KCNK2: variants seen among roughly 807,000 people sequenced by gnomAD.
KCNK2 encodes the protein potassium two pore domain channel subfamily K member 2.
KCNK2 carries 21 observed loss-of-function variants against 40.5 expected under a neutral mutation model. That is an observed-to-expected ratio of 0.52 (90% CI 0.37 to 0.75). The LOEUF is 0.75. Ranked by LOEUF, KCNK2 falls within the 30% of genes least tolerant of loss-of-function variation. The pLI, the probability that KCNK2 is intolerant of heterozygous loss-of-function variation, is 0.00. For synonymous variants in KCNK2, 191 were observed against 202.2 expected (o/e 0.94, Z 0.47); for missense variants, 399 against 531.6 (o/e 0.75, Z 2.45).
chr1:215,048,842 A>G (rs1657879357), intron 1 of KCNK2, among the ~76,000 whole-genome samples: 1 of 152,136 alleles, frequency 6.6e-6, no homozygotes, highest in Admixed American at 6.5e-5. Flanking sequence ...AATAGCTTAT[A>G]CTTTGTTTTA....
intron 6 of KCNK2, among the ~76,000 whole-genome samples, chr1:215,211,145 T>C: frequency 6.6e-6 from 1 of 152,142 alleles, no homozygotes; most frequent in South Asian, 2.1e-4. Flanking sequence ...AGCGAATGTC[T>C]GTAAAGCAGC....
intron 1 of KCNK2, among the ~76,000 whole-genome samples, chr1:215,050,547 G>A (rs1175962092): frequency 6.6e-6 from 1 of 152,074 alleles, no homozygotes; most frequent in Non-Finnish European, 1.5e-5. Context: ...AGCATACAGA[G>A]AGAGAAATAA....
chr1:215,048,989 T>A (rs1437663612), intron 1 of KCNK2, among the ~76,000 whole-genome samples: 1 of 152,202 alleles, frequency 6.6e-6, no homozygotes, highest in Admixed American at 6.5e-5. Flanking sequence ...TTTGTGAGCA[T>A]GTAAGTTTTC....
intron 1 of KCNK2, among the ~76,000 whole-genome samples, chr1:215,038,231 G>A (rs1558065137): frequency 6.6e-6 from 1 of 152,068 alleles, no homozygotes; most frequent in Non-Finnish European, 1.5e-5. Flanking sequence ...CAGCAAGTAA[G>A]CCTTCCCTAT....
chr1:215,222,268 G>A (rs1349326029), intron 6 of KCNK2, among the ~76,000 whole-genome samples: 3 of 110,340 alleles, frequency 2.7e-5, no homozygotes, highest in African/African-American at 3.8e-5. Context: ...CAATGCAATC[G>A]TGTAATTTGG....
At position 215,199,583 on chromosome 1, in the gene KCNK2, ATTTC is replaced by A. The variant is rs372055084; in HGVS notation, c.963+4495_963+4498del. Among the ~76,000 whole-genome samples the A allele has an allele frequency of 5.5e-3, 835 of 152,300 alleles. 8 individuals carry two copies. The highest frequency in any genetic ancestry group is 0.019 in the African/African-American group (780 of 41,570). On this transcript the variant is annotated intron_variant, in intron 6 of 6. Transcript: ENST00000444842. ...GAAACATATGCATTTCTGTAAAAGC[ATTTC>A]TTTGTCTATTTTTTAAGCTCCAGTG... is the stretch of plus-strand genomic sequence containing the variant.
chr1:215,153,704 G>T (rs1662789160), intron 3 of KCNK2, among the ~76,000 whole-genome samples: 1 of 151,856 alleles, frequency 6.6e-6, no homozygotes, highest in African/African-American at 2.4e-5. Context: ...TGCCATGGTG[G>T]TTTGCTGCAC....
At chr1:215,110,111 A>G (rs1011243063) in intron 2 of KCNK2, among the ~76,000 whole-genome samples, 4 of 152,180 alleles carry the variant, frequency 2.6e-5, no homozygotes, top group African/African-American at 9.6e-5. Context: ...TCTGGATATG[A>G]GTCCCTTGTT....
intron 2 of KCNK2, among the ~76,000 whole-genome samples, chr1:215,091,906 G>A (rs1246668404): frequency 6.6e-6 from 1 of 152,176 alleles, no homozygotes; most frequent in Non-Finnish European, 1.5e-5. Context: ...AGGATGCTGG[G>A]ATGGAGAGGT....
intron 5 of KCNK2, among the ~76,000 whole-genome samples, chr1:215,186,113 A>G (rs533033899): frequency 6.6e-6 from 1 of 152,312 alleles, no homozygotes; most frequent in South Asian, 2.1e-4. Flanking sequence ...TAGATTTTCT[A>G]TGATAAGAGA....
chr1:215,027,329 A>C (rs1168089286), intron 1 of KCNK2, among the ~76,000 whole-genome samples: 1 of 152,094 alleles, frequency 6.6e-6, no homozygotes, highest in African/African-American at 2.4e-5. Flanking sequence ...CCTGGGTTTT[A>C]TTGGATTCTT....
At chr1:215,062,206 A>C (rs1183952555) in intron 1 of KCNK2, among the ~76,000 whole-genome samples, 1 of 152,150 alleles carries the variant, frequency 6.6e-6, no homozygotes, top group Non-Finnish European at 1.5e-5. Context: ...TCTGGGAATA[A>C]AAAACATTAT....
chr1:215,194,876 T>C, intron 5 of KCNK2, 77 bp from the exon 6 acceptor site: 1 of 1,360,396 alleles, frequency 7.4e-7, no homozygotes. Context: ...AAAATTTAGT[T>C]AGTAATTTTA....
chr1:215,020,683 C>G (rs1328786255), intron 1 of KCNK2, among the ~76,000 whole-genome samples: 1 of 151,930 alleles, frequency 6.6e-6, no homozygotes, highest in Non-Finnish European at 1.5e-5. Context: ...ACCACAGCCT[C>G]TCAGTGTTAG....
At chr1:215,127,498 T>C (rs1286719983) in intron 3 of KCNK2, among the ~76,000 whole-genome samples, 3 of 152,218 alleles carry the variant, frequency 2.0e-5, no homozygotes, top group Non-Finnish European at 2.9e-5. Flanking sequence ...CCATTCCATA[T>C]ACCAGTCCTG....
At chr1:215,186,314 G>A (rs1450196545) in intron 5 of KCNK2, among the ~76,000 whole-genome samples, 3 of 152,018 alleles carry the variant, frequency 2.0e-5, no homozygotes, top group Non-Finnish European at 2.9e-5. Flanking sequence ...GGGAGGCTGA[G>A]GTGGGAGGAG....
At chr1:215,005,787 CA>C (rs530797734), upstream of KCNK2, 20 of 760,666 alleles carry the variant, frequency 2.6e-5, no homozygotes, top group Non-Finnish European at 4.1e-5. Flanking sequence ...CATTCACACA[CA>C]AAAAGGAAAC....
At chr1:215,077,840 A>C (rs943660706), upstream of KCNK2, among the ~76,000 whole-genome samples, 1 of 152,034 alleles carries the variant, frequency 6.6e-6, no homozygotes, top group Admixed American at 6.5e-5. Flanking sequence ...TCTTTACACC[A>C]GCCTTCCCTG....
chr1:215,071,948 C>G (rs1205860392), intron 1 of KCNK2, among the ~76,000 whole-genome samples: 2 of 151,952 alleles, frequency 1.3e-5, no homozygotes, highest in East Asian at 3.9e-4. Context: ...TAGATCTTGC[C>G]TTTGTCTATA....
Sources: allele counts gnomAD v4.1 joint callset (sites outside exome capture counted in the v4.1 genomes callset), GRCh38; gene constraint gnomAD v4.1.1; transcripts MANE v1.5; gene names NCBI Gene and HGNC (gene_info 2026-07-23, HGNC 2026-07-21).